The following UNC5D variants were observed in gnomAD, a reference collection of about 807,000 sequenced individuals.
UNC5D encodes netrin receptor UNC5D.
UNC5D carries 39 observed loss-of-function variants against 105.4 expected under a neutral mutation model. The ratio of observed to expected loss-of-function variants is 0.37; its 90% CI spans 0.29 to 0.48. The LOEUF is 0.48. UNC5D is among the 20% of genes least tolerant of loss of function. The pLI is 0.98. For synonymous variants in UNC5D, 452 were observed against 450.4 expected, an observed-to-expected ratio of 1.00 and a Z score of -0.04; for missense variants, 991 against 1,202.4, an observed-to-expected ratio of 0.82 and a Z score of 2.60.
intron 14 of UNC5D, among the ~76,000 whole-genome samples, chr8:35,764,359 G>C: frequency 6.6e-6 from 1 of 152,162 alleles, no homozygotes; most frequent in East Asian, 1.9e-4. Flanking sequence ...TGGGGCACGT[G>C]TGAGCAGATG....
intron 1 of UNC5D, among the ~76,000 whole-genome samples, chr8:35,355,391 G>A (rs1801490631): frequency 6.6e-6 from 1 of 152,110 alleles, no homozygotes; most frequent in African/African-American, 2.4e-5. Flanking sequence ...CTGCCCAGGA[G>A]GGAACTCTCT....
intron 1 of UNC5D, among the ~76,000 whole-genome samples, chr8:35,261,231 A>T (rs1804469587): frequency 6.6e-6 from 1 of 152,208 alleles, no homozygotes; most frequent in Admixed American, 6.5e-5. Flanking sequence ...CCTAAGACTC[A>T]TAAATAAGGC....
intron 3 of UNC5D, among the ~76,000 whole-genome samples, chr8:35,594,548 T>A (rs1304633174): frequency 1.3e-5 from 2 of 152,188 alleles, no homozygotes; most frequent in East Asian, 3.9e-4. Flanking sequence ...GTAAACAACC[T>A]GTCTTTGCCC....
At chr8:35,613,713 G>GT (rs1368636685) in intron 4 of UNC5D, among the ~76,000 whole-genome samples, 1 of 152,138 alleles carries the variant, frequency 6.6e-6, no homozygotes, top group Non-Finnish European at 1.5e-5. Context: ...GCCAGGCATG[G>GT]TGGTGCATGC....
intron 8 of UNC5D, among the ~76,000 whole-genome samples, chr8:35,713,258 G>A (rs908890375): frequency 6.6e-6 from 1 of 152,158 alleles, no homozygotes; most frequent in African/African-American, 2.4e-5. Context: ...TAACTTGGGT[G>A]CTTGTTAAAA....
intron 1 of UNC5D, among the ~76,000 whole-genome samples, chr8:35,447,085 T>C (rs753396217): frequency 6.6e-6 from 1 of 152,100 alleles, no homozygotes; most frequent in African/African-American, 2.4e-5. Flanking sequence ...TAATGCCATA[T>C]GGTTTTACGT....
intron 2 of UNC5D, among the ~76,000 whole-genome samples, chr8:35,563,528 A>G (rs1168167291): frequency 6.6e-6 from 1 of 152,088 alleles, no homozygotes; most frequent in Non-Finnish European, 1.5e-5. Context: ...GGTGGACTCT[A>G]CATTTTTCTA....
At chr8:35,327,562 C>A (rs1037439123) in intron 1 of UNC5D, among the ~76,000 whole-genome samples, 1 of 152,206 alleles carries the variant, frequency 6.6e-6, no homozygotes, top group East Asian at 1.9e-4. Context: ...CTGCCAGGGG[C>A]ATATTTGACC....
intron 1 of UNC5D, among the ~76,000 whole-genome samples, chr8:35,382,049 T>G (rs1803079020): frequency 6.6e-6 from 1 of 152,244 alleles, no homozygotes; most frequent in Non-Finnish European, 1.5e-5. Flanking sequence ...ATTTGCCTTT[T>G]GGGATTTAAA....
chr8:35,676,904 G>GA (rs556171758), intron 4 of UNC5D, among the ~76,000 whole-genome samples: 1,508 of 149,198 alleles, frequency 0.01, 22 homozygotes, highest in African/African-American at 0.034. Context: ...TCATGAATAT[G>GA]TTTTTTTTTT....
chr8:35,266,001 G>A (rs1233700273), intron 1 of UNC5D, among the ~76,000 whole-genome samples: 2 of 151,938 alleles, frequency 1.3e-5, no homozygotes, highest in Non-Finnish European at 2.9e-5. Flanking sequence ...GATAATTGTT[G>A]AAGTAAGGTG....
chr8:35,316,142 G>GTATTGTTTATTTA (rs1809290086), intron 1 of UNC5D, among the ~76,000 whole-genome samples: 2 of 152,188 alleles, frequency 1.3e-5, no homozygotes, highest in African/African-American at 4.8e-5. Flanking sequence ...AGTGGCAGTT[G>GTATTGTTTATTTA]AATAGCTGTA....
At chr8:35,538,043 G>T (rs1814965113) in intron 1 of UNC5D, among the ~76,000 whole-genome samples, 1 of 152,004 alleles carries the variant, frequency 6.6e-6, no homozygotes, top group African/African-American at 2.4e-5. Flanking sequence ...TTGGGCATTG[G>T]TATACATGAA....
intron 1 of UNC5D, among the ~76,000 whole-genome samples, chr8:35,451,988 T>A (rs1322154402): frequency 6.6e-6 from 1 of 152,176 alleles, no homozygotes; most frequent in Non-Finnish European, 1.5e-5. Flanking sequence ...CAATAAGCAA[T>A]ACTTTAGCTC....
chr8:35,691,939 T>C (rs2131376564), intron 7 of UNC5D, among the ~76,000 whole-genome samples: 1 of 152,278 alleles, frequency 6.6e-6, no homozygotes, highest in Non-Finnish European at 1.5e-5. Context: ...TAAATGGGTA[T>C]GCTTCAGAAG....
chr8:35,557,733 C>A (rs1816653348), intron 2 of UNC5D, among the ~76,000 whole-genome samples: 1 of 151,886 alleles, frequency 6.6e-6, no homozygotes, highest in Non-Finnish European at 1.5e-5. Context: ...TCTTTCAAGT[C>A]ATAGGTAGAA....
At chr8:35,682,319 T>G (rs1000141462) in intron 4 of UNC5D, among the ~76,000 whole-genome samples, 2 of 152,208 alleles carry the variant, frequency 1.3e-5, no homozygotes, top group African/African-American at 4.8e-5. Context: ...AGCAATGAAA[T>G]GAAGTATCTT....
At chr8:35,462,893 CTTGATCTCTCCTTACAAAGG>C (rs1809001254) in intron 1 of UNC5D, among the ~76,000 whole-genome samples, 1 of 152,156 alleles carries the variant, frequency 6.6e-6, no homozygotes, top group South Asian at 2.1e-4. Context: ...AACTGAGTTT[CTTGATCTCTCCTTACAAAGG>C]TATAACCATC....
At chr8:35,590,082 G>T (rs755393883) in intron 3 of UNC5D, among the ~76,000 whole-genome samples, 1 of 152,058 alleles carries the variant, frequency 6.6e-6, no homozygotes, top group Non-Finnish European at 1.5e-5. Flanking sequence ...GGTCCTTTTA[G>T]ATATTTTTAT....
Sources: allele counts gnomAD v4.1 joint callset (sites outside exome capture counted in the v4.1 genomes callset), GRCh38; gene constraint gnomAD v4.1.1; transcripts MANE v1.5; gene names NCBI Gene and HGNC (gene_info 2026-07-23, HGNC 2026-07-21).